DMD: variants seen among roughly 807,000 people sequenced by gnomAD.
The protein encoded by DMD is mutant dystrophin.
A neutral mutation model predicts 330.1 loss-of-function variants in DMD; 63 were observed. The ratio of observed to expected loss-of-function variants is 0.19; its 90% CI spans 0.16 to 0.24. The LOEUF (loss-of-function observed/expected upper bound fraction) is 0.24, where lower values mean the gene tolerates loss of function less well. DMD is among the 10% of genes least tolerant of loss of function. The probability of loss-of-function intolerance (pLI) is 1.00; values close to 1 mark genes in which losing one functional copy is unlikely to be tolerated. For synonymous variants in DMD, 1,223 were observed against 959.8 expected, an observed-to-expected ratio of 1.27 and a Z score of -5.07; for missense variants, 3,344 against 2,684.1, an observed-to-expected ratio of 1.25 and a Z score of -5.43.
intron 34 of DMD, among the ~76,000 whole-genome samples, chrX:32,378,223 T>C (rs1169508838): frequency 9.1e-6 from 1 of 110,450 alleles, no homozygotes; most frequent in Non-Finnish European, 1.9e-5. Context: ...CGCCAATTTG[T>C]GGCTTTAAAA....
chrX:31,643,662 T>A (rs1219431401), intron 54 of DMD, among the ~76,000 whole-genome samples: 1 of 112,008 alleles, frequency 8.9e-6, no homozygotes, highest in East Asian at 2.8e-4. Flanking sequence ...CTATGAAGAA[T>A]ACATTTTTTA....
At chrX:32,554,944 AGAGAGAGGGAGAG>A (rs2050122505) in intron 16 of DMD, among the ~76,000 whole-genome samples, 1 of 37,564 alleles carries the variant, frequency 2.7e-5, no homozygotes, top group Non-Finnish European at 4.1e-5. Flanking sequence ...AAAGAAAGAG[AGAGAGAGGGAGAG>A]AGAAAGAAAG....
At chrX:32,788,881 A>G (rs1202089209) in intron 7 of DMD, among the ~76,000 whole-genome samples, 1 of 112,085 alleles carries the variant, frequency 8.9e-6, no homozygotes, top group African/African-American at 3.2e-5. Flanking sequence ...CAGCTCTGCC[A>G]ATGAAAGACA....
intron 43 of DMD, among the ~76,000 whole-genome samples, chrX:32,277,598 C>T (rs1017821938): frequency 9.0e-6 from 1 of 111,229 alleles, no homozygotes; most frequent in Admixed American, 9.6e-5. Flanking sequence ...AATTCAGTAA[C>T]AATGAAATAA....
intron 44 of DMD, among the ~76,000 whole-genome samples, chrX:32,004,920 A>G (rs1488153352): frequency 9.0e-6 from 1 of 111,028 alleles, no homozygotes; most frequent in Non-Finnish European, 1.9e-5. Flanking sequence ...TGGATGTCCT[A>G]TTTCTTTATC....
chrX:32,001,145 C>T (rs2095623707), intron 44 of DMD, among the ~76,000 whole-genome samples: 1 of 111,149 alleles, frequency 9.0e-6, no homozygotes, highest in Admixed American at 9.6e-5. Context: ...TACAAGGAAA[C>T]TTTTTGAAGT....
At chrX:31,526,015 G>A (rs139677630) in intron 55 of DMD, among the ~76,000 whole-genome samples, 1,582 of 112,025 alleles carry the variant, frequency 0.014, 26 homozygotes, top group African/African-American at 0.045. Flanking sequence ...AATCCTCCAG[G>A]ATAACTTGGG....
At chrX:32,100,697 C>T (rs2096535905) in intron 44 of DMD, among the ~76,000 whole-genome samples, 1 of 110,797 alleles carries the variant, frequency 9.0e-6, no homozygotes, top group African/African-American at 3.3e-5. Context: ...TTCTTGCATC[C>T]CGTGCATCCG....
At chrX:32,627,845 G>A (rs1431550319) in intron 11 of DMD, among the ~76,000 whole-genome samples, 6 of 110,792 alleles carry the variant, frequency 5.4e-5, no homozygotes, top group African/African-American at 1.6e-4. Flanking sequence ...TGAGACAATT[G>A]TTCTTAGCAT....
chrX:31,487,332 C>A (rs774963745), intron 57 of DMD, among the ~76,000 whole-genome samples: 100 of 108,679 alleles, frequency 9.2e-4, no homozygotes, highest in African/African-American at 3.3e-3. Context: ...GCGATCTCGG[C>A]TCACTGCAAG....
chrX:31,551,208 T>C (rs1456117059), intron 55 of DMD, among the ~76,000 whole-genome samples: 1 of 99,552 alleles, frequency 1.0e-5, no homozygotes, highest in African/African-American at 3.9e-5. Context: ...GAGGTATTTA[T>C]TGAGTAGATT....
Position 33,140,420 on chromosome X carries a change from G to A in DMD, c.31+70862C>T, listed in dbSNP as rs764086368. On this transcript the variant is annotated intron_variant, in intron 1 of 78. Transcript: ENST00000357033. ...AGATGTTCAGGAGGAAGAAAATATT[G>A]CTATTTTAAATGGAATATTTTCAAC... Among the ~76,000 whole-genome samples the A allele has an allele frequency of 2.7e-5, 3 of 111,828 alleles. No homozygotes were observed. In the South Asian group the frequency reaches 1.1e-3, roughly 41 times the overall value.
chrX:33,279,305 G>T (rs1327123822), intron 1 of DMD, among the ~76,000 whole-genome samples: 1 of 111,759 alleles, frequency 8.9e-6, no homozygotes, highest in African/African-American at 3.3e-5. Context: ...CAAACAACTT[G>T]CTCCTGAATG....
At chrX:31,601,139 G>A (rs990580085) in intron 55 of DMD, among the ~76,000 whole-genome samples, 2 of 111,921 alleles carry the variant, frequency 1.8e-5, no homozygotes, top group South Asian at 3.7e-4. Context: ...TCAGTAAACT[G>A]TAAGTGCCAT....
chrX:31,392,513 G>C (rs1407866848), intron 60 of DMD, among the ~76,000 whole-genome samples: 2 of 111,912 alleles, frequency 1.8e-5, no homozygotes, highest in Non-Finnish European at 3.8e-5. Context: ...CAGATCCCCT[G>C]ACCCTGGTGT....
chrX:33,165,172 T>C (rs2048990123), intron 1 of DMD, among the ~76,000 whole-genome samples: 1 of 111,345 alleles, frequency 9.0e-6, no homozygotes, highest in Admixed American at 9.6e-5. Context: ...CTTAGCATCC[T>C]GACAAACCCA....
intron 2 of DMD, among the ~76,000 whole-genome samples, chrX:32,904,400 T>C (rs1175658620): frequency 9.1e-6 from 1 of 110,147 alleles, no homozygotes; most frequent in Non-Finnish European, 1.9e-5. Context: ...TAAGAAGAGG[T>C]GTAGTAGAGA....
intron 44 of DMD, among the ~76,000 whole-genome samples, chrX:31,975,875 G>C (rs891646202): frequency 2.7e-5 from 3 of 111,954 alleles, no homozygotes; most frequent in Non-Finnish European, 3.8e-5. Context: ...ATAAGACAAT[G>C]TGCAAGTCAA....
chrX:31,442,031 G>C (rs779642828), intron 60 of DMD, among the ~76,000 whole-genome samples: 1 of 112,085 alleles, frequency 8.9e-6, no homozygotes, highest in South Asian at 3.7e-4. Flanking sequence ...ACCACAAACT[G>C]AACTGTTTAA....
Sources: gnomAD v4.1 joint callset for allele counts (sites outside exome capture counted in the v4.1 genomes callset) on GRCh38, gnomAD v4.1.1 for gene constraint, MANE v1.5 for transcripts, NCBI Gene and HGNC (gene_info 2026-07-23, HGNC 2026-07-21) for gene names.